XKR4: variants seen among roughly 807,000 people sequenced by gnomAD.
XKR4 encodes XK-related protein 4.
A neutral mutation model predicts 53.9 loss-of-function variants in XKR4; 12 were observed. That is an observed-to-expected ratio of 0.22 (90% CI 0.14 to 0.36). The LOEUF is 0.36. XKR4 is among the 10% of genes least tolerant of loss of function. XKR4 has a pLI of 1.00. For synonymous variants in XKR4, 354 were observed against 362.4 expected (o/e 0.98, Z 0.26); for missense variants, 799 against 859.5 (o/e 0.93, Z 0.88).
intron 1 of XKR4, among the ~76,000 whole-genome samples, chr8:55,137,206 A>G (rs1816643229): frequency 6.6e-6 from 1 of 152,132 alleles, no homozygotes. Flanking sequence ...AAGTCAAAAG[A>G]AAGTTGGAGG....
intron 1 of XKR4, among the ~76,000 whole-genome samples, chr8:55,247,665 C>G (rs113062514): frequency 6.6e-6 from 1 of 152,134 alleles, no homozygotes; most frequent in East Asian, 1.9e-4. Flanking sequence ...CCTTCATGAT[C>G]TCATTCCCTT....
chr8:55,286,424 C>T (rs915219372), intron 1 of XKR4, among the ~76,000 whole-genome samples: 37 of 152,172 alleles, frequency 2.4e-4, no homozygotes, highest in African/African-American at 7.7e-4. Context: ...AGACACCCTT[C>T]GAAGGCATTG....
intron 2 of XKR4, among the ~76,000 whole-genome samples, chr8:55,516,288 T>C (rs1488599025): frequency 2.0e-5 from 3 of 152,172 alleles, no homozygotes; most frequent in Admixed American, 6.5e-5. Context: ...CAGTATTGTG[T>C]TTGTTAGTTG....
intron 1 of XKR4, among the ~76,000 whole-genome samples, chr8:55,304,545 G>T (rs1819262386): frequency 6.6e-6 from 1 of 152,074 alleles, no homozygotes; most frequent in Admixed American, 6.6e-5. Flanking sequence ...CAATTCCTGG[G>T]TATCCTTGTT....
At chr8:55,323,551 T>C (rs1236086351) in intron 1 of XKR4, among the ~76,000 whole-genome samples, 1 of 152,252 alleles carries the variant, frequency 6.6e-6, no homozygotes, top group Admixed American at 6.5e-5. Flanking sequence ...TGCTAAGTAG[T>C]ATTCTATTGT....
intron 2 of XKR4, among the ~76,000 whole-genome samples, chr8:55,438,598 A>G (rs891786093): frequency 4.6e-5 from 7 of 151,300 alleles, no homozygotes; most frequent in Non-Finnish European, 5.9e-5. Flanking sequence ...TTGAAAAAAA[A>G]AAAAAAAAAG....
intron 2 of XKR4, among the ~76,000 whole-genome samples, chr8:55,437,964 A>AAG (rs746660368): frequency 5.3e-5 from 6 of 113,184 alleles, no homozygotes; most frequent in East Asian, 2.3e-4. Flanking sequence ...CAAAAAAAAA[A>AAG]AAGAAGAAGA....
chr8:55,270,517 T>G (rs1818674431), intron 1 of XKR4, among the ~76,000 whole-genome samples: 1 of 152,188 alleles, frequency 6.6e-6, no homozygotes, highest in African/African-American at 2.4e-5. Context: ...TGATTCCCAT[T>G]GTGAACATCT....
chr8:55,302,974 T>G (rs1323268197), intron 1 of XKR4, among the ~76,000 whole-genome samples: 3 of 152,214 alleles, frequency 2.0e-5, no homozygotes, highest in Non-Finnish European at 4.4e-5. Flanking sequence ...TTTTCCTAAT[T>G]GAATACCCTT....
At chr8:55,429,224 TAACA>T (rs1309682941) in intron 2 of XKR4, among the ~76,000 whole-genome samples, 1 of 152,228 alleles carries the variant, frequency 6.6e-6, no homozygotes, top group East Asian at 1.9e-4. Flanking sequence ...TCATAGGCAA[TAACA>T]AACAAAAACC....
intron 1 of XKR4, among the ~76,000 whole-genome samples, chr8:55,211,498 C>T (rs12681044): frequency 0.23 from 35,647 of 152,116 alleles, 4,660 homozygotes; most frequent in East Asian, 0.47. Flanking sequence ...CAAATTAGGT[C>T]TTTACTATGG....
rs150564380 is a variant in XKR4 at position 55,398,256 on chromosome 8, A to G, written c.1006+40379A>G. 8.6e-4 allele frequency among the ~76,000 whole-genome samples: 131 copies of G among 152,228 alleles called. No individual in the cohort carries two copies. The East Asian group carries it at 0.024, about 28-fold the overall frequency. On this transcript the variant is annotated intron_variant, in intron 2 of 2. Transcript: ENST00000327381. ...CACCTGCTCACCCCAGAGCAACTTT[A>G]GAGAGGGAGGTGAGGAGGACTGCCA...
chr8:55,102,624 G>A lies in XKR4; in HGVS notation c.136G>A (p.Asp46Asn). The stretch of plus-strand genomic sequence containing the variant: ...CTTGCCGTCGGGGTCGGGAGCCGAG[G>A]ACGAGGAGGCGGCCGGGGGCGGCTG... ...PGLPSGSGAE[D>N]EEAAGGGCCP... The change falls in exon 1 of 3, where the codon GAC becomes AAC. Residue 46 changes from aspartate to asparagine, a missense_variant. Asp to Asn is a conservative substitution (Grantham distance 23). Transcript: ENST00000327381. The surrounding 1 kb of genome is among the most constrained non-coding windows in gnomAD (Gnocchi z 5.1). 1.4e-6 allele frequency: 2 copies of A among 1,405,132 alleles called. No individual in the cohort carries two copies. Among genetic ancestry groups the A allele is most frequent in the Non-Finnish European group, 1.9e-6 (2 of 1,065,284 alleles). 87.0% of individuals were successfully genotyped at this position (1,405,132 alleles called of 1,614,324 possible).
intron 1 of XKR4, among the ~76,000 whole-genome samples, chr8:55,132,749 G>A (rs1358569794): frequency 6.6e-6 from 1 of 152,270 alleles, no homozygotes; most frequent in East Asian, 1.9e-4. Context: ...TTCCTAAGTG[G>A]GAAAGCCTGG....
chr8:55,163,450 A>G (rs1817015064), intron 1 of XKR4, among the ~76,000 whole-genome samples: 1 of 152,214 alleles, frequency 6.6e-6, no homozygotes, highest in African/African-American at 2.4e-5. Flanking sequence ...TTTCACTTCA[A>G]TGTAGACTTC....
At chr8:55,355,862 C>T (rs80233936) in intron 1 of XKR4, among the ~76,000 whole-genome samples, 43 of 152,332 alleles carry the variant, frequency 2.8e-4, no homozygotes, top group African/African-American at 9.6e-4. Context: ...TGCTATCCTT[C>T]GCTCTTGGCA....
chr8:55,102,891 G>A lies in XKR4; in HGVS notation c.403G>A (p.Asp135Asn). The A allele has an allele frequency of 6.2e-7, 1 of 1,612,160 alleles. No individual in the cohort carries two copies. The highest frequency in any genetic ancestry group is 8.5e-7 in the Non-Finnish European group (1 of 1,179,922). ...GGGCACAGACGTCTGGCTCGCCGTG[G>A]ACTACTACCTGCGCGGCCAGCGCTG... is the stretch of plus-strand genomic sequence containing the variant. ...DVGTDVWLAV[D>N]YYLRGQRWWF... Residue 135 changes from aspartate (D) to asparagine (N), a missense_variant, in exon 1 of 3, where the codon GAC becomes AAC. Asp to Asn is a conservative substitution (Grantham distance 23). Transcript: ENST00000327381. The surrounding 1 kb of genome is among the most constrained non-coding windows in gnomAD (Gnocchi z 5.1).
In XKR4 at chr8:55,524,358, T is replaced by C. The variant is rs1473117989; in HGVS notation, c.*131T>C. Reference sequence around the variant, plus strand: ...CCTAGTGGGACCGTCATCACCATTATCATTTGATCCTGTCGGCTGGGGGCG... The same window carrying C: ...CCTAGTGGGACCGTCATCACCATTACCATTTGATCCTGTCGGCTGGGGGCG... On this transcript the variant is annotated 3_prime_UTR_variant, in exon 3 of 3. Transcript: ENST00000327381. 1 of 914,740 alleles carries C rather than the reference T, an allele frequency of 1.1e-6. No individual in the cohort carries two copies. The highest frequency in any genetic ancestry group is 1.6e-6 in the Non-Finnish European group (1 of 619,388). 56.7% of individuals were successfully genotyped at this position (914,740 alleles called of 1,614,324 possible). A position where few individuals can be genotyped will look rare whatever the true frequency, so the allele number is the denominator to read the frequency against.
At chr8:55,264,143 G>T (rs558427899) in intron 1 of XKR4, among the ~76,000 whole-genome samples, 1 of 152,106 alleles carries the variant, frequency 6.6e-6, no homozygotes, top group African/African-American at 2.4e-5. Flanking sequence ...CAGGGCCTTG[G>T]CACCTGCTGT....
Sources: allele counts gnomAD v4.1 joint callset (sites outside exome capture counted in the v4.1 genomes callset), GRCh38; gene constraint gnomAD v4.1.1; non-coding constraint Gnocchi (gnomAD v3.1); transcripts MANE v1.5; gene names NCBI Gene and HGNC (gene_info 2026-07-23, HGNC 2026-07-21).